Variants in COMMD1 observed in about 807,000 individuals in gnomAD.
COMMD1 encodes the protein copper metabolism domain containing 1, also known as COMM domain-containing protein 1.
In COMMD1, 10 loss-of-function variants were observed where a neutral mutation model predicts 17.2. That is an observed-to-expected ratio of 0.58 (90% CI 0.36 to 0.99). COMMD1 has a LOEUF of 0.99. COMMD1 is among the 50% of genes least tolerant of loss of function. The pLI is 0.01. For synonymous variants in COMMD1, 97 were observed against 91.6 expected (o/e 1.06, Z -0.34); for missense variants, 270 against 231.8 (o/e 1.17, Z -1.07).
intron 2 of COMMD1, among the ~76,000 whole-genome samples, chr2:62,115,320 T>A (rs907283887): frequency 6.6e-6 from 1 of 152,248 alleles, no homozygotes; most frequent in Non-Finnish European, 1.5e-5. Context: ...TAGTGTGCAA[T>A]ATTTCTCACA....
chr2:61,903,808 C>T (rs1268069789), upstream of COMMD1, among the ~76,000 whole-genome samples: 2 of 152,090 alleles, frequency 1.3e-5, no homozygotes, highest in Non-Finnish European at 2.9e-5. Flanking sequence ...TCCCAAAGTG[C>T]TGGGGTTACA....
intron 1 of COMMD1, among the ~76,000 whole-genome samples, chr2:61,949,983 G>C (rs1671009222): frequency 6.6e-6 from 1 of 152,158 alleles, no homozygotes; most frequent in South Asian, 2.1e-4. Flanking sequence ...GACACAAAAT[G>C]AAACAAACAG....
chr2:61,891,247 C>T (rs577096845), intron 1 of COMMD1, among the ~76,000 whole-genome samples: 62 of 152,258 alleles, frequency 4.1e-4, no homozygotes, highest in African/African-American at 1.5e-3. Context: ...TTATTGGCTT[C>T]TTGGGAGAGT....
chr2:62,106,620 A>G (rs528360935), intron 2 of COMMD1, among the ~76,000 whole-genome samples: 2 of 152,334 alleles, frequency 1.3e-5, no homozygotes, highest in East Asian at 3.9e-4. Flanking sequence ...TCAGACAGAG[A>G]TAATAGTTTT....
chr2:61,905,147 C>T (rs1027775373), upstream of COMMD1, among the ~76,000 whole-genome samples: 18 of 152,100 alleles, frequency 1.2e-4, no homozygotes, highest in African/African-American at 4.3e-4. Context: ...AACATTGGAT[C>T]AGAGCCACTG....
chr2:62,058,294 A>G (rs537102281), intron 2 of COMMD1, among the ~76,000 whole-genome samples: 7 of 152,282 alleles, frequency 4.6e-5, no homozygotes, highest in Admixed American at 3.9e-4. Context: ...TCTATTTATT[A>G]TTTCAGTTAC....
At chr2:62,130,101 G>C (rs1258961164) in intron 2 of COMMD1, among the ~76,000 whole-genome samples, 1 of 151,368 alleles carries the variant, frequency 6.6e-6, no homozygotes, top group Non-Finnish European at 1.5e-5. Flanking sequence ...CGTGAACCCG[G>C]GAGGCGGAGC....
intron 2 of COMMD1, among the ~76,000 whole-genome samples, chr2:62,109,508 C>T (rs912005693): frequency 6.6e-6 from 1 of 152,264 alleles, no homozygotes; most frequent in African/African-American, 2.4e-5. Context: ...TTTATTATAT[C>T]GTCTTCTTAA....
intron 2 of COMMD1, among the ~76,000 whole-genome samples, chr2:62,065,928 AAGAG>A (rs1298150128): frequency 2.0e-5 from 3 of 152,186 alleles, no homozygotes; most frequent in Admixed American, 1.3e-4. Flanking sequence ...ATAAGAGAAA[AAGAG>A]AGAAATAAGA....
chr2:62,092,478 A>G (rs1208867227), intron 2 of COMMD1, among the ~76,000 whole-genome samples: 1 of 152,180 alleles, frequency 6.6e-6, no homozygotes, highest in African/African-American at 2.4e-5. Flanking sequence ...AAAGTGGTCA[A>G]GTGCTTGTTT....
At position 62,120,975 on chromosome 2, in the gene COMMD1, C is replaced by T. The variant is rs758571412; in HGVS notation, c.463-14856C>T. Among the ~76,000 whole-genome samples the T allele has an allele frequency of 6.6e-5, 10 of 151,984 alleles. 1 individual carries two copies. The South Asian group carries it at 8.3e-4, about 13-fold the overall frequency. On this transcript the variant is annotated intron_variant, in intron 2 of 2. Transcript: ENST00000311832. Reference sequence around the variant, plus strand: ...CCCAGGCTGGTTGTGAACTCCTGAGCTCGGGCAATCTACACACCTTGGCCT... The same window carrying T: ...CCCAGGCTGGTTGTGAACTCCTGAGTTCGGGCAATCTACACACCTTGGCCT...
At chr2:62,036,398 T>A (rs760204876) in intron 2 of COMMD1, among the ~76,000 whole-genome samples, 4 of 152,226 alleles carry the variant, frequency 2.6e-5, no homozygotes, top group Non-Finnish European at 5.9e-5. Flanking sequence ...TTAGCTCACA[T>A]GAGTAATTTG....
intron 1 of COMMD1, among the ~76,000 whole-genome samples, chr2:61,915,248 C>T (rs112532155): frequency 2.6e-5 from 4 of 151,966 alleles, no homozygotes; most frequent in African/African-American, 9.7e-5. Flanking sequence ...TCAAGTGAAC[C>T]GCCTGCCTTG....
rs199975065 is a variant in COMMD1, at chr2:61,975,988, T to A, written c.181-24713T>A. Among the ~76,000 whole-genome samples, 23 of 152,258 alleles carry A rather than the reference T, an allele frequency of 1.5e-4. No individual in the cohort carries two copies. In the East Asian group the frequency reaches 4.2e-3, roughly 28 times the overall value. On this transcript the variant is annotated intron_variant, in intron 1 of 2. Coordinates refer to ENST00000311832, the MANE Select transcript of COMMD1 (RefSeq NM_152516.4). ...GTAAATATGAATTAGATCCAGGTGA[T>A]TAGTAGTGGTGTTCATTTCAGCTGT...
intron 2 of COMMD1, among the ~76,000 whole-genome samples, chr2:62,129,880 A>G (rs1433141748): frequency 6.6e-6 from 1 of 152,200 alleles, no homozygotes; most frequent in African/African-American, 2.4e-5. Flanking sequence ...TGTGCTCAAT[A>G]AAGAGTCCCT....
At chr2:62,087,974 C>T (rs1671715641) in intron 2 of COMMD1, among the ~76,000 whole-genome samples, 2 of 152,196 alleles carry the variant, frequency 1.3e-5, no homozygotes, top group Non-Finnish European at 2.9e-5. Context: ...TTCTTCCTCA[C>T]ACTGTTTTTC....
chr2:62,105,033 G>A (rs1398026295), intron 2 of COMMD1, among the ~76,000 whole-genome samples: 2 of 151,712 alleles, frequency 1.3e-5, no homozygotes, highest in African/African-American at 2.4e-5. Flanking sequence ...GTTGAGGCAG[G>A]AGAATCGCTT....
chr2:61,894,317 G>C (rs1669504840), intron 1 of COMMD1, among the ~76,000 whole-genome samples: 1 of 152,048 alleles, frequency 6.6e-6, no homozygotes, highest in African/African-American at 2.4e-5. Context: ...GGCCAGGCTG[G>C]TCTTGAACTC....
At chr2:61,892,586 G>A (rs1350581055) in intron 1 of COMMD1, among the ~76,000 whole-genome samples, 1 of 151,786 alleles carries the variant, frequency 6.6e-6, no homozygotes, top group African/African-American at 2.4e-5. Context: ...CCCAGCTACT[G>A]GGGAGGCTGA....
Sources: gnomAD v4.1 joint callset for allele counts (sites outside exome capture counted in the v4.1 genomes callset) on GRCh38, gnomAD v4.1.1 for gene constraint, MANE v1.5 for transcripts, NCBI Gene and HGNC (gene_info 2026-07-23, HGNC 2026-07-21) for gene names.